The following MAGED1 variants were observed in gnomAD, a reference collection of about 807,000 sequenced individuals.
MAGED1 encodes the protein MAGE family member D1.
MAGED1 carries 3 observed loss-of-function variants against 54.1 expected under a neutral mutation model. The observed-to-expected ratio is 0.06, with a 90% CI of 0.03 to 0.14. The LOEUF (loss-of-function observed/expected upper bound fraction) is 0.14, where lower values mean the gene tolerates loss of function less well. Among genes scored for constraint, MAGED1 ranks in the 10% least tolerant of loss-of-function variants. The probability of loss-of-function intolerance (pLI) is 1.00; values close to 1 mark genes in which losing one functional copy is unlikely to be tolerated. For missense variants in MAGED1, 485 were observed against 623.4 expected, an observed-to-expected ratio of 0.78 and a Z score of 2.36; for synonymous variants, 217 against 227.3, an observed-to-expected ratio of 0.95 and a Z score of 0.41.
chrX:51,846,192 G>T lies in MAGED1; in HGVS notation c.-37+43075G>T, dbSNP rs782416749. Among the ~76,000 whole-genome samples the T allele has an allele frequency of 2.7e-5, 3 of 112,152 alleles. No individual in the cohort carries two copies. The South Asian group carries it at 1.1e-3, about 42-fold the overall frequency. The stretch of plus-strand genomic sequence containing the variant: ...AATATATGACCTTACACGATGAAAA[G>T]AGACTTTGCAGATATGATTAAGTTA... On this transcript the variant is annotated intron_variant, in intron 1 of 12. Coordinates refer to the MAGED1 transcript ENST00000375772.
chrX:51,832,220 G>C (rs1926095165), intron 1 of MAGED1, among the ~76,000 whole-genome samples: 1 of 110,564 alleles, frequency 9.0e-6, no homozygotes, highest in African/African-American at 3.3e-5. Flanking sequence ...AGTAGGGATG[G>C]GGTTTCACCA....
At chrX:51,805,449 T>C (rs902094253) in intron 1 of MAGED1, among the ~76,000 whole-genome samples, 2 of 110,386 alleles carry the variant, frequency 1.8e-5, no homozygotes, top group Non-Finnish European at 3.8e-5. Flanking sequence ...GGTCTGGTTC[T>C]CTCTATCTGT....
At chrX:51,870,301 CA>C (rs1342047608) in intron 1 of MAGED1, among the ~76,000 whole-genome samples, 1 of 111,952 alleles carries the variant, frequency 8.9e-6, no homozygotes. Flanking sequence ...TTAAAGTGAA[CA>C]AAAAACCAAC....
chrX:51,899,622 AG>A (rs1928920159), intron 10 of MAGED1: 1 of 110,719 alleles, frequency 9.0e-6, no homozygotes, highest in East Asian at 2.9e-4. Flanking sequence ...TTGTATTTTT[AG>A]TAGAGATGGG....
chrX:51,896,383 T>A, intron 3 of MAGED1, 26 bp from the exon 4 acceptor site: 1 of 1,174,393 alleles, frequency 8.5e-7, no homozygotes, highest in Non-Finnish European at 1.1e-6. Flanking sequence ...CCACTGGTGA[T>A]TCTGAACTTC....
intron 1 of MAGED1, among the ~76,000 whole-genome samples, chrX:51,844,765 T>A: frequency 9.0e-6 from 1 of 111,547 alleles, no homozygotes; most frequent in East Asian, 2.8e-4. Flanking sequence ...CTGGAGGAAG[T>A]CCTTGTCTAA....
intron 1 of MAGED1, among the ~76,000 whole-genome samples, chrX:51,827,726 TAA>T (rs1472022303): frequency 3.6e-5 from 4 of 111,536 alleles, no homozygotes; most frequent in Non-Finnish European, 1.9e-5. Flanking sequence ...GTCAATTTTT[TAA>T]AAGTCAACTG....
Position 51,901,856 on chromosome X carries a change from A to T in MAGED1, c.2263A>T (p.Ile755Phe). ...CCCTCAGACCTTTGCCGGTCCCATTATTGGTCCTGGTGGTACAGCCAGTGC... is the reference window on the plus strand; with the variant it reads ...CCCTCAGACCTTTGCCGGTCCCATTTTTGGTCCTGGTGGTACAGCCAGTGC... ...RFPQTFAGPI[I>F]GPGGTASANF... is the part of the protein sequence containing the mutation. The change falls in exon 12 of 13, where the codon ATT (isoleucine) becomes TTT (phenylalanine). Residue 755 changes from isoleucine (I) to phenylalanine (F), a missense_variant. Around this residue, in one of 2 missense-constraint regions of MAGED1, gnomAD observed 186 missense variants for 330.3 expected, o/e 0.56. Transcript: ENST00000326587. The T allele has an allele frequency of 1.7e-6, 2 of 1,211,074 alleles. No homozygotes were observed. Among genetic ancestry groups the T allele is most frequent in the Non-Finnish European group, 2.2e-6 (2 of 895,374 alleles).
At chrX:51,825,718 A>G (rs1925830919) in intron 1 of MAGED1, among the ~76,000 whole-genome samples, 1 of 111,848 alleles carries the variant, frequency 8.9e-6, no homozygotes, top group African/African-American at 3.2e-5. Context: ...TAGAAGTGAG[A>G]GTTTATGGCC....
chrX:51,826,769 C>CT (rs1386088084), intron 1 of MAGED1, among the ~76,000 whole-genome samples: 1 of 112,421 alleles, frequency 8.9e-6, no homozygotes, highest in Non-Finnish European at 1.9e-5. Flanking sequence ...AGCTCTCATT[C>CT]TTTCCTGGTG....
At chrX:51,872,147 T>C (rs1395656577) in intron 1 of MAGED1, among the ~76,000 whole-genome samples, 2 of 112,093 alleles carry the variant, frequency 1.8e-5, no homozygotes, top group African/African-American at 6.5e-5. Flanking sequence ...TGTAAATTTG[T>C]TTGAGTTCAT....
rs782717710 is a variant in MAGED1 at position 51,819,115 on chromosome X, G to A, written c.-37+15998G>A. ...TTCAGTCATTAGACAAACATCAGGG[G>A]TGAATTGTAAGATTCTGACTCTATT... On this transcript the variant is annotated intron_variant, in intron 1 of 12. Coordinates refer to the MAGED1 transcript ENST00000375772. Among the ~76,000 whole-genome samples, 3 of 111,277 alleles carry A rather than the reference G, an allele frequency of 2.7e-5. No individual in the cohort carries two copies. In the South Asian group the frequency reaches 1.2e-3, roughly 44 times the overall value.
intron 1 of MAGED1, among the ~76,000 whole-genome samples, chrX:51,869,943 C>T (rs1336210488): frequency 9.0e-6 from 1 of 111,287 alleles, no homozygotes; most frequent in Non-Finnish European, 1.9e-5. Context: ...GCTATCATAG[C>T]TCACTGCAGC....
At chrX:51,881,447 C>T (rs782270244) in intron 1 of MAGED1, among the ~76,000 whole-genome samples, 2 of 106,715 alleles carry the variant, frequency 1.9e-5, no homozygotes, top group African/African-American at 3.4e-5. Context: ...TGGAGTTTCG[C>T]TCTCGTTGCC....
intron 5 of MAGED1, 109 bp from the exon 6 acceptor site, chrX:51,897,438 C>T: frequency 2.5e-6 from 2 of 789,420 alleles, no homozygotes; most frequent in African/African-American, 2.1e-5. Flanking sequence ...ATGGTTGGCT[C>T]TTTCCACCCT....
chrX:51,803,297 C>G (rs1924914411), intron 1 of MAGED1, among the ~76,000 whole-genome samples: 1 of 110,837 alleles, frequency 9.0e-6, no homozygotes, highest in African/African-American at 3.3e-5. Flanking sequence ...CCTTCTCCTC[C>G]GGAGATGGGG....
chrX:51,846,383 A>G (rs782446749), intron 1 of MAGED1, among the ~76,000 whole-genome samples: 2 of 111,383 alleles, frequency 1.8e-5, no homozygotes, highest in Non-Finnish European at 3.8e-5. Context: ...AAGATGGAAG[A>G]TGGAGCCACG....
intron 1 of MAGED1, among the ~76,000 whole-genome samples, chrX:51,847,177 GAAAT>G (rs1459088793): frequency 1.8e-5 from 2 of 111,528 alleles, no homozygotes; most frequent in Non-Finnish European, 3.8e-5. Context: ...TTGTTAAAAA[GAAAT>G]AAAGTGTACA....
chrX:51,858,241 C>CTAGTCACTG (rs1927158455), intron 1 of MAGED1, among the ~76,000 whole-genome samples: 1 of 111,870 alleles, frequency 8.9e-6, no homozygotes, highest in Non-Finnish European at 1.9e-5. Flanking sequence ...AGATCACATA[C>CTAGTCACTG]TAGTCACTGG....
Sources: allele counts gnomAD v4.1 joint callset (sites outside exome capture counted in the v4.1 genomes callset), GRCh38; gene constraint gnomAD v4.1.1; regional missense constraint gnomAD v4.1.1; transcripts MANE v1.5; gene names NCBI Gene and HGNC (gene_info 2026-07-23, HGNC 2026-07-21).